Variants in GMIP observed in about 807,000 individuals in gnomAD.
GMIP encodes GEM-interacting protein.
A neutral mutation model predicts 105.3 loss-of-function variants in GMIP; 54 were observed. That is an observed-to-expected ratio of 0.51 (90% CI 0.41 to 0.64). GMIP has a LOEUF of 0.64. GMIP is among the 30% of genes least tolerant of loss of function. The pLI, the probability that GMIP is intolerant of heterozygous loss-of-function variation, is 0.00. For synonymous variants in GMIP, 541 were observed against 560.8 expected (o/e 0.96, Z 0.50); for missense variants, 1,110 against 1,319.4 (o/e 0.84, Z 2.46).
rs2061786598 is a variant in GMIP at position 19,630,698 on chromosome 19, T to C, written c.2473-161A>G. ...GGTATGTTAGGACGCAGCCCCACCC[T>C]GTAATGAATGAGGGAAAGGTGGTAG... On this transcript the variant is annotated intron_variant, in intron 19 of 20. Transcript: ENST00000203556. This position sits in a 1 kb window ranked among gnomAD's most constrained non-coding sequence, Gnocchi z 4.8. Among the ~76,000 whole-genome samples, 1 of 152,154 alleles carries C rather than the reference T, an allele frequency of 6.6e-6. No individual in the cohort carries two copies. Among genetic ancestry groups the C allele is most frequent in the Admixed American group, 6.6e-5 (1 of 15,260 alleles).
intron 2 of GMIP, 123 bp downstream of exon 2, chr19:19,642,412 C>T: frequency 1.5e-6 from 1 of 689,024 alleles, no homozygotes; most frequent in Non-Finnish European, 2.7e-6. Context: ...TCCTAGACTT[C>T]TCTGGTTATT....
At position 19,637,899 on chromosome 19, in the gene GMIP, G is replaced by A. The variant is rs1303137129; in HGVS notation, c.927+21C>T. 5.7e-6 allele frequency: 9 copies of A among 1,582,500 alleles called. No individual in the cohort carries two copies. The highest frequency in any genetic ancestry group is 7.7e-6 in the Non-Finnish European group (9 of 1,164,674). The stretch of plus-strand genomic sequence containing the variant: ...GGCCCCAACGGGGTGAGGGGAGGAT[G>A]GCCTTGGGGATGGGCCTCACCCGCC... On this transcript the variant is annotated intron_variant, in intron 10 of 20. Coordinates refer to ENST00000203556, the MANE Select transcript of GMIP (RefSeq NM_016573.4). The surrounding 1 kb of genome is among the most constrained non-coding windows in gnomAD (Gnocchi z 6.7).
intron 4 of GMIP, among the ~76,000 whole-genome samples, chr19:19,641,285 T>C (rs913705108): frequency 6.6e-6 from 1 of 151,788 alleles, no homozygotes; most frequent in South Asian, 2.1e-4. Context: ...GGTTTCACCA[T>C]GTTAGCCAGG....
Position 19,636,728 on chromosome 19 carries a change from C to T in GMIP, c.1306G>A (p.Asp436Asn), listed in dbSNP as rs549346877. The T allele has an allele frequency of 6.2e-7, 1 of 1,613,456 alleles. No individual in the cohort carries two copies. The highest frequency in any genetic ancestry group is 1.7e-5 in the Admixed American group (1 of 59,966). The stretch of plus-strand genomic sequence containing the variant: ...CTACCTGGGCTGGAAGTGGGTGAGT[C>T]CAGGGACCGAGACTCGCTGCCGCCA... ...VGGGSESRSL[D>N]SPTSSPGAGT... Residue 436 changes from aspartate to asparagine, a missense_variant, in exon 13 of 21, where the codon GAC becomes AAC. By Grantham distance (23) the Asp-to-Asn change is conservative. Transcript: ENST00000203556.
At position 19,640,450 on chromosome 19, in the gene GMIP, G is replaced by A. The variant is rs762247655; in HGVS notation, c.360C>T (p.Ser120=). ...ELLAWTEKRA[S]YELEFAKSTM... ...CTGGGCGGAAGAGGTCCTCACCATA[G>A]CTGGCTCTCTTTTCAGTCCAGGCAA... The change falls in exon 5 of 21, where the codon AGC becomes AGT. Residue 120 remains serine (S), a synonymous_variant. Coordinates refer to ENST00000203556, the MANE Select transcript of GMIP (RefSeq NM_016573.4). 6.2e-7 allele frequency: 1 copy of A among 1,614,130 alleles called. No homozygotes were observed. Among genetic ancestry groups the A allele is most frequent in the Non-Finnish European group, 8.5e-7 (1 of 1,180,028 alleles).
chr19:19,636,678 T>A, intron 13 of GMIP, 29 bp downstream of exon 13: 1 of 1,503,116 alleles, frequency 6.7e-7, no homozygotes. Context: ...ACAGGTGGAG[T>A]GTGGGTCAGG....
rs904720339 is a variant in GMIP at position 19,643,608 on chromosome 19, T to TGCCGCCGCA, written c.-88_-80dup. On this transcript the variant is annotated 5_prime_UTR_variant, in exon 1 of 21. Coordinates refer to ENST00000203556, the MANE Select transcript of GMIP (RefSeq NM_016573.4). ...CCGGCGGGGCCGAGCCCCGATTTCC[T>TGCCGCCGCA]GCCGCCGCAGCCGCCGCCGCCGCCT... The TGCCGCCGCA allele has an allele frequency of 1.9e-5, 25 of 1,320,248 alleles. No homozygotes were observed. In the African/African-American group the frequency reaches 2.5e-4, roughly 13 times the overall value. 81.8% of individuals were successfully genotyped at this position (1,320,248 alleles called of 1,614,324 possible).
intron 7 of GMIP, among the ~76,000 whole-genome samples, chr19:19,639,436 C>T (rs558588314): frequency 8.5e-5 from 13 of 152,060 alleles, no homozygotes; most frequent in African/African-American, 3.1e-4. Context: ...ACCTGCTCTC[C>T]CCGACCCCTG....
chr19:19,634,156 C>T lies in GMIP; in HGVS notation c.2119G>A (p.Ala707Thr). The T allele has an allele frequency of 6.2e-7, 1 of 1,606,236 alleles. No individual in the cohort carries two copies. The highest frequency in any genetic ancestry group is 8.5e-7 in the Non-Finnish European group (1 of 1,174,868). Residue 707 changes from alanine to threonine, a missense_variant, in exon 19 of 21, where the codon GCC becomes ACC. Coordinates refer to ENST00000203556, the MANE Select transcript of GMIP (RefSeq NM_016573.4). The surrounding 1 kb of genome is among the most constrained non-coding windows in gnomAD (Gnocchi z 6.1). ...CCAAACACAATGCCCAGGTTGTTGG[C>T]AGACATCTTGTTTTCCATAAATCGT... ...AARFMENKMS[A>T]NNLGIVFGPT...
At chr19:19,636,471 C>T (rs978286064) in intron 13 of GMIP, among the ~76,000 whole-genome samples, 2 of 151,834 alleles carry the variant, frequency 1.3e-5, no homozygotes, top group African/African-American at 4.8e-5. Context: ...TGCAGTGAGC[C>T]GAGATCACGC....
intron 12 of GMIP, 53 bp downstream of exon 12, chr19:19,636,864 G>A (rs760050440): frequency 4.4e-5 from 67 of 1,516,860 alleles, no homozygotes; most frequent in Non-Finnish European, 5.8e-5. Flanking sequence ...CCACCTATGT[G>A]TTGGTGGAAC....
At position 19,637,224 on chromosome 19, in the gene GMIP, T is replaced by A; in HGVS notation, c.1124+141A>T. 5 of 687,954 alleles carry A rather than the reference T, an allele frequency of 7.3e-6. 1 individual carries two copies. The South Asian group carries it at 9.6e-5, about 13-fold the overall frequency. The allele number at this position is 687,954 out of a possible 1,614,324, so 42.6% of individuals were successfully genotyped here. A position where few individuals can be genotyped will look rare whatever the true frequency, so the allele number is the denominator to read the frequency against. ...TAGGACTGGGACAACCCATTCACCC[T>A]CCTATGGCCCCCGAGAGCCTGGAGT... On this transcript the variant is annotated intron_variant, in intron 11 of 20. Coordinates refer to ENST00000203556, the MANE Select transcript of GMIP (RefSeq NM_016573.4). The surrounding 1 kb of genome is among the most constrained non-coding windows in gnomAD (Gnocchi z 6.7).
intron 2 of GMIP, 67 bp downstream of exon 2, chr19:19,642,468 G>A (rs2061932494): frequency 2.2e-6 from 2 of 925,564 alleles, no homozygotes; most frequent in Non-Finnish European, 3.6e-6. Flanking sequence ...GGACTGCAAG[G>A]CACCTAAATG....
rs1483915874 is a variant in GMIP, at chr19:19,634,194, G to A, written c.2085-4C>T. 14 of 1,586,500 alleles carry A rather than the reference G, an allele frequency of 8.8e-6. No homozygotes were observed. The highest frequency in any genetic ancestry group is 1.2e-5 in the Non-Finnish European group (14 of 1,164,704). ...TTCCATAAATCGTGCAGCCACCCTG[G>A]GGATGGTGTGAAGAGAAAGGTCAGG... On this transcript the variant is annotated splice_polypyrimidine_tract_variant and splice_region_variant and intron_variant, in intron 18 of 20. Coordinates refer to ENST00000203556, the MANE Select transcript of GMIP (RefSeq NM_016573.4). The surrounding 1 kb of genome is among the most constrained non-coding windows in gnomAD (Gnocchi z 6.1).
At position 19,634,945 on chromosome 19, in the gene GMIP, GA is replaced by G. The variant is rs2061837717; in HGVS notation, c.1750-17del. 1.2e-6 allele frequency: 2 copies of G among 1,613,750 alleles called. No homozygotes were observed. The highest frequency in any genetic ancestry group is 1.7e-6 in the Non-Finnish European group (2 of 1,179,940). On this transcript the variant is annotated splice_polypyrimidine_tract_variant and intron_variant, in intron 16 of 20. Coordinates refer to ENST00000203556, the MANE Select transcript of GMIP (RefSeq NM_016573.4). This position sits in a 1 kb window ranked among gnomAD's most constrained non-coding sequence, Gnocchi z 6.1. ...GGTAAATGCCCTGCAGGGTGAGGGTGAAAAACAGACACCTGGTTCGTGATAG... is the reference window on the plus strand; with the variant it reads ...GGTAAATGCCCTGCAGGGTGAGGGTGAAAACAGACACCTGGTTCGTGATAG...
rs2061773553 is a variant in GMIP at position 19,629,864 on chromosome 19, C to T, written c.*99G>A. On this transcript the variant is annotated 3_prime_UTR_variant, in exon 21 of 21. Coordinates refer to ENST00000203556, the MANE Select transcript of GMIP (RefSeq NM_016573.4). ...CCTCTGGACCTCTCCCAGCATTGAA[C>T]TCCTGGCGGGGTGTTTGGCCACTAG... 2.5e-6 allele frequency: 3 copies of T among 1,214,550 alleles called. No homozygotes were observed. The highest frequency in any genetic ancestry group is 1.5e-5 in the African/African-American group (1 of 66,476). The allele number at this position is 1,214,550 out of a possible 1,614,324, so 75.2% of individuals were successfully genotyped here. A position where few individuals can be genotyped will look rare whatever the true frequency, so the allele number is the denominator to read the frequency against.
chr19:19,642,160 CTT>C (rs1209186717), intron 2 of GMIP, 109 bp from the exon 3 acceptor site: 2 of 661,964 alleles, frequency 3.0e-6, no homozygotes, highest in Admixed American at 5.7e-5. Context: ...TGTGGCATCT[CTT>C]GTGTCTGGGA....
At chr19:19,631,258 A>G (rs752999177) in intron 19 of GMIP, among the ~76,000 whole-genome samples, 5 of 152,130 alleles carry the variant, frequency 3.3e-5, no homozygotes, top group Non-Finnish European at 7.3e-5. Context: ...TCATTCATTG[A>G]GTCTGGACCG....
intron 19 of GMIP, among the ~76,000 whole-genome samples, chr19:19,631,956 C>T (rs1010497934): frequency 2.4e-4 from 34 of 143,968 alleles, no homozygotes; most frequent in African/African-American, 7.5e-4. Flanking sequence ...CCACTGCACT[C>T]TAGCCTGGGT....
Sources: allele counts gnomAD v4.1 joint callset (sites outside exome capture counted in the v4.1 genomes callset), GRCh38; gene constraint gnomAD v4.1.1; non-coding constraint Gnocchi (gnomAD v3.1); transcripts MANE v1.5; gene names NCBI Gene and HGNC (gene_info 2026-07-23, HGNC 2026-07-21).